The following TOPAZ1 variants were observed in gnomAD, a reference collection of about 807,000 sequenced individuals.
TOPAZ1 encodes the protein testis and ovary specific TOPAZ 1.
Under a neutral mutation model 172.2 loss-of-function variants are expected in TOPAZ1, and 66 were observed. The ratio of observed to expected loss-of-function variants is 0.38; its 90% CI spans 0.31 to 0.47. The LOEUF (loss-of-function observed/expected upper bound fraction) is 0.47. Among genes scored for constraint, TOPAZ1 ranks in the 20% least tolerant of loss-of-function variants. The pLI is 0.99. For missense variants in TOPAZ1, 1,822 were observed against 1,972.4 expected (o/e 0.92, Z 1.44); for synonymous variants, 681 against 683.9 (o/e 1.00, Z 0.07).
At chr3:44,253,713 T>G (rs1699662388) in intron 2 of TOPAZ1, among the ~76,000 whole-genome samples, 1 of 152,250 alleles carries the variant, frequency 6.6e-6, no homozygotes, top group East Asian at 1.9e-4. Context: ...TATTTCCCCA[T>G]CCTTTAAACT....
intron 18 of TOPAZ1, among the ~76,000 whole-genome samples, chr3:44,326,553 T>C (rs778451018): frequency 1.3e-5 from 2 of 152,210 alleles, no homozygotes; most frequent in Admixed American, 1.3e-4. Context: ...TATGCATTTA[T>C]ATACACTCTG....
chr3:44,251,737 T>G (rs1194542981), intron 2 of TOPAZ1, among the ~76,000 whole-genome samples: 1 of 152,178 alleles, frequency 6.6e-6, no homozygotes, highest in East Asian at 1.9e-4. Context: ...GTATGGCTCT[T>G]CAGATTTGGC....
intron 4 of TOPAZ1, among the ~76,000 whole-genome samples, chr3:44,257,973 T>G (rs1204718520): frequency 1.3e-5 from 2 of 152,204 alleles, no homozygotes; most frequent in African/African-American, 4.8e-5. Context: ...AGAGGATTAT[T>G]AATTGATAAT....
intron 18 of TOPAZ1, among the ~76,000 whole-genome samples, chr3:44,325,157 T>G (rs1021472976): frequency 1.8e-4 from 27 of 152,312 alleles, no homozygotes; most frequent in African/African-American, 6.3e-4. Context: ...ATATTGGAAC[T>G]CCTTTTGGAT....
At chr3:44,303,480 T>C (rs1238453405) in intron 12 of TOPAZ1, among the ~76,000 whole-genome samples, 1 of 4,856 alleles carries the variant, frequency 2.1e-4, no homozygotes, top group Non-Finnish European at 3.9e-4. Context: ...GCTTGCTTGC[T>C]TTTTTTTTTT....
At chr3:44,260,148 C>A (rs1049723191) in intron 4 of TOPAZ1, among the ~76,000 whole-genome samples, 3 of 152,168 alleles carry the variant, frequency 2.0e-5, no homozygotes, top group Admixed American at 1.3e-4. Context: ...GAGGCCTCCC[C>A]AGCCGTGCTG....
At position 44,241,907 on chromosome 3, in the gene TOPAZ1, T is replaced by C; in HGVS notation, c.-147T>C. 1 of 781,008 alleles carries C rather than the reference T, an allele frequency of 1.3e-6. No homozygotes were observed. The highest frequency in any genetic ancestry group is 1.9e-6 in the Non-Finnish European group (1 of 512,996). The allele number at this position is 781,008 out of a possible 1,614,324, so 48.4% of individuals were successfully genotyped here. ...CCCCACTTCCGCTTACGCGCCCCAC[T>C]TCCGCTTCCGGCCCCGGGCTGTGGT... On this transcript the variant is annotated 5_prime_UTR_variant, in exon 1 of 20. Coordinates refer to ENST00000309765, the MANE Select transcript of TOPAZ1 (RefSeq NM_001145030.2).
Position 44,244,097 on chromosome 3 carries a change from G to T in TOPAZ1, c.1591G>T (p.Val531Phe). The T allele has an allele frequency of 1.9e-6, 3 of 1,551,680 alleles. No homozygotes were observed. The South Asian group carries it at 3.6e-5, about 18-fold the overall frequency. Reference protein sequence around the residue: ...GSQESCRQVDVPKHQTNQTHL... With the variant: ...GSQESCRQVDFPKHQTNQTHL... ...TCAGGAAAGTTGTAGGCAAGTTGAT[G>T]TCCCTAAACACCAAACAAACCAGAC... is the stretch of plus-strand genomic sequence containing the variant. Residue 531 changes from valine (V) to phenylalanine (F), a missense_variant, in exon 2 of 20, where the codon GTC becomes TTC. Val to Phe is a conservative substitution (Grantham distance 50). Around this residue, in one of 2 missense-constraint regions of TOPAZ1, gnomAD observed 1,489 missense variants for 1,490.8 expected, o/e 1.00. Transcript: ENST00000309765.
intron 11 of TOPAZ1, among the ~76,000 whole-genome samples, chr3:44,290,054 C>T (rs921287898): frequency 6.6e-6 from 1 of 152,098 alleles, no homozygotes; most frequent in African/African-American, 2.4e-5. Context: ...AGGACCTAGT[C>T]ATTATACCTT....
chr3:44,279,574 A>G (rs186223804), intron 8 of TOPAZ1, among the ~76,000 whole-genome samples: 139 of 152,100 alleles, frequency 9.1e-4, no homozygotes, highest in African/African-American at 3.1e-3. Context: ...TAATGACTTT[A>G]TCTTTTTTGT....
Position 44,245,146 on chromosome 3 carries a change from G to A in TOPAZ1, c.2640G>A (p.Gly880=), listed in dbSNP as rs1246784261. 10 of 1,551,818 alleles carry A rather than the reference G, an allele frequency of 6.4e-6. No individual in the cohort carries two copies. The highest frequency in any genetic ancestry group is 8.7e-6 in the Non-Finnish European group (10 of 1,147,046). Residue 880 remains glycine, a synonymous_variant, in exon 2 of 20, where the codon GGG becomes GGA. Coordinates refer to ENST00000309765, the MANE Select transcript of TOPAZ1 (RefSeq NM_001145030.2). ...DPDLFGVSNE[G]ELSFTSEVPK... Reference sequence around the variant, plus strand: ...ACCTCTTTGGAGTCTCCAATGAAGGGGAGCTCTCATTTACTTCTGAGGTCC... The same window carrying A: ...ACCTCTTTGGAGTCTCCAATGAAGGAGAGCTCTCATTTACTTCTGAGGTCC...
downstream of TOPAZ1, among the ~76,000 whole-genome samples, chr3:44,332,730 T>G (rs1446208915): frequency 6.6e-6 from 1 of 152,156 alleles, no homozygotes; most frequent in African/African-American, 2.4e-5. Flanking sequence ...AAACCGTAAT[T>G]TAAAATTATT....
chr3:44,301,842 CA>C (rs1700275504), intron 12 of TOPAZ1, among the ~76,000 whole-genome samples: 1 of 152,024 alleles, frequency 6.6e-6, no homozygotes, highest in Non-Finnish European at 1.5e-5. Flanking sequence ...TTTTACCATG[CA>C]AAAAGTTTTA....
chr3:44,254,421 AGTTT>A (rs1699670668), intron 2 of TOPAZ1, among the ~76,000 whole-genome samples: 1 of 152,124 alleles, frequency 6.6e-6, no homozygotes, highest in African/African-American at 2.4e-5. Context: ...TGAGGTCAGG[AGTTT>A]GAGACCAGCC....
Position 44,308,641 on chromosome 3 carries a change from C to A in TOPAZ1, c.4141-1184C>A, listed in dbSNP as rs1201642293. Reference sequence around the variant, plus strand: ...TCTCAAATTTAATAAAAGAGAAACTCAGACTGATTTTGCTGAAATTTTAGA... The same window carrying A: ...TCTCAAATTTAATAAAAGAGAAACTAAGACTGATTTTGCTGAAATTTTAGA... On this transcript the variant is annotated intron_variant, in intron 15 of 19. Transcript: ENST00000309765. Among the ~76,000 whole-genome samples, 146 of 152,150 alleles carry A rather than the reference C, an allele frequency of 9.6e-4. 1 individual carries two copies. The highest frequency in any genetic ancestry group is 3.4e-3 in the African/African-American group (141 of 41,498).
chr3:44,257,423 T>TTA (rs1170899100), intron 4 of TOPAZ1, among the ~76,000 whole-genome samples: 2 of 136,150 alleles, frequency 1.5e-5, no homozygotes, highest in East Asian at 2.1e-4. Flanking sequence ...TTTATATATT[T>TTA]TATATATATA....
At position 44,242,230 on chromosome 3, in the gene TOPAZ1, G is replaced by T. The variant is rs1699488284; in HGVS notation, c.177G>T (p.Gly59=). 8.4e-6 allele frequency: 13 copies of T among 1,547,190 alleles called. No individual in the cohort carries two copies. The highest frequency in any genetic ancestry group is 1.1e-5 in the Non-Finnish European group (13 of 1,145,716). Residue 59 remains glycine, a synonymous_variant, in exon 1 of 20, where the codon GGG becomes GGT. Coordinates refer to ENST00000309765, the MANE Select transcript of TOPAZ1 (RefSeq NM_001145030.2). ...KRRMVARATP[G]RGEVESDKSV... The stretch of plus-strand genomic sequence containing the variant: ...GAATGGTGGCCCGGGCCACCCCTGG[G>T]AGAGGCGAGGTGGAAAGTGATAAGT...
At chr3:44,262,165 G>A (rs1207921941) in intron 4 of TOPAZ1, among the ~76,000 whole-genome samples, 5 of 152,032 alleles carry the variant, frequency 3.3e-5, no homozygotes, top group Non-Finnish European at 5.9e-5. Context: ...AGCAACTTGG[G>A]TAATTAAAGG....
downstream of TOPAZ1, among the ~76,000 whole-genome samples, chr3:44,333,438 G>A (rs933120321): frequency 6.6e-6 from 1 of 152,136 alleles, no homozygotes; most frequent in South Asian, 2.1e-4. Context: ...AAAACAAGGG[G>A]AGAATAGAAA....
Sources: gnomAD v4.1 joint callset for allele counts (sites outside exome capture counted in the v4.1 genomes callset) on GRCh38, gnomAD v4.1.1 for gene constraint, gnomAD v4.1.1 regional missense constraint, MANE v1.5 for transcripts, NCBI Gene and HGNC (gene_info 2026-07-23, HGNC 2026-07-21) for gene names.